GRID2: variants seen among roughly 807,000 people sequenced by gnomAD.
GRID2 encodes the protein glutamate ionotropic receptor delta type subunit 2, also known as glutamate receptor ionotropic, delta-2.
Under a neutral mutation model 114.8 loss-of-function variants are expected in GRID2, and 33 were observed. The ratio of observed to expected loss-of-function variants is 0.29; its 90% CI spans 0.22 to 0.38. The LOEUF is 0.38. Ranked by LOEUF, GRID2 falls within the 10% of genes least tolerant of loss-of-function variation. GRID2 has a pLI of 1.00. For synonymous variants in GRID2, 505 were observed against 449.9 expected (o/e 1.12, Z -1.55); for missense variants, 1,184 against 1,257.7 (o/e 0.94, Z 0.89).
At chr4:93,176,761 G>T (rs895399155) in intron 4 of GRID2, among the ~76,000 whole-genome samples, 1 of 152,082 alleles carries the variant, frequency 6.6e-6, no homozygotes, top group Non-Finnish European at 1.5e-5. Flanking sequence ...CTTGACAGAA[G>T]TCCAGTTTAA....
Position 93,455,676 on chromosome 4 carries a change from G to T in GRID2, c.1560G>T (p.Gly520=), listed in dbSNP as rs1043445307. 1.9e-6 allele frequency: 3 copies of T among 1,609,802 alleles called. No homozygotes were observed. In the East Asian group the frequency reaches 6.7e-5, roughly 36 times the overall value. ...GELVFKRADI[G]ISALTITPDR... ...CAATTTCTCAGAGAGCCGACATAGG[G>T]ATTTCTGCTTTAACCATCACTCCAG... is the stretch of plus-strand genomic sequence containing the variant. The change falls in exon 11 of 16, where the codon GGG becomes GGT. Residue 520 remains glycine, a synonymous_variant. Coordinates refer to ENST00000282020, the MANE Select transcript of GRID2 (RefSeq NM_001510.4).
intron 5 of GRID2, among the ~76,000 whole-genome samples, chr4:93,213,889 A>G (rs1743870681): frequency 1.3e-5 from 2 of 152,138 alleles, no homozygotes; most frequent in African/African-American, 2.4e-5. Context: ...TTTGTCGGAC[A>G]TATTGACTTT....
chr4:93,181,486 G>A (rs1013929638), intron 4 of GRID2, among the ~76,000 whole-genome samples: 10 of 152,246 alleles, frequency 6.6e-5, no homozygotes, highest in African/African-American at 1.7e-4. Context: ...ATGGTCAGCC[G>A]TCCTTCGAAA....
intron 1 of GRID2, among the ~76,000 whole-genome samples, chr4:92,426,612 G>C (rs775307121): frequency 4.3e-4 from 66 of 152,108 alleles, no homozygotes; most frequent in South Asian, 2.1e-4. Flanking sequence ...TATATGAAGA[G>C]CAACAGTATG....
At chr4:92,581,303 T>G (rs1728175204) in intron 1 of GRID2, among the ~76,000 whole-genome samples, 1 of 151,720 alleles carries the variant, frequency 6.6e-6, no homozygotes, top group Non-Finnish European at 1.5e-5. Flanking sequence ...TAAACTAGTA[T>G]AAAATGCATA....
intron 2 of GRID2, among the ~76,000 whole-genome samples, chr4:92,634,309 G>A (rs1014428413): frequency 6.6e-5 from 10 of 152,134 alleles, no homozygotes; most frequent in Non-Finnish European, 1.0e-4. Flanking sequence ...TTTCCAAGGT[G>A]ATGTACAACA....
intron 2 of GRID2, among the ~76,000 whole-genome samples, chr4:92,994,281 T>G (rs2149207869): frequency 6.6e-6 from 1 of 152,328 alleles, no homozygotes; most frequent in African/African-American, 2.4e-5. Flanking sequence ...CTCAGTGATC[T>G]TAATATTAGA....
intron 8 of GRID2, among the ~76,000 whole-genome samples, chr4:93,327,372 G>A (rs905727613): frequency 6.6e-6 from 1 of 152,136 alleles, no homozygotes; most frequent in Non-Finnish European, 1.5e-5. Context: ...CAACAATACA[G>A]TAATGTGTTC....
intron 1 of GRID2, among the ~76,000 whole-genome samples, chr4:92,395,755 C>T (rs78195778): frequency 0.03 from 4,590 of 151,758 alleles, 100 homozygotes; most frequent in Middle Eastern, 0.075. Context: ...TATATTCTTT[C>T]CATTCCTTGC....
intron 2 of GRID2, among the ~76,000 whole-genome samples, chr4:92,630,786 G>A (rs1730767550): frequency 1.3e-5 from 2 of 151,944 alleles, no homozygotes; most frequent in African/African-American, 2.4e-5. Flanking sequence ...AATACATTAC[G>A]GAGGCTGGAA....
At chr4:92,858,800 G>A (rs1016226453) in intron 2 of GRID2, among the ~76,000 whole-genome samples, 4 of 152,058 alleles carry the variant, frequency 2.6e-5, no homozygotes, top group Non-Finnish European at 5.9e-5. Context: ...CTTGTAATCC[G>A]CCTGCCTCAG....
At chr4:93,371,865 A>G (rs1762957928) in intron 8 of GRID2, among the ~76,000 whole-genome samples, 1 of 146,184 alleles carries the variant, frequency 6.8e-6, no homozygotes, top group Non-Finnish European at 1.5e-5. Context: ...CTTCTGCCTC[A>G]GCCTCCTGAG....
intron 2 of GRID2, among the ~76,000 whole-genome samples, chr4:92,762,160 C>T (rs549178268): frequency 6.6e-6 from 1 of 152,112 alleles, no homozygotes; most frequent in South Asian, 2.1e-4. Flanking sequence ...TGATCCACCC[C>T]CCTCAGCCTC....
At chr4:92,556,277 A>C (rs1726845527) in intron 1 of GRID2, among the ~76,000 whole-genome samples, 1 of 152,154 alleles carries the variant, frequency 6.6e-6, no homozygotes, top group African/African-American at 2.4e-5. Context: ...GTATGGTCAA[A>C]GGTTGATTCT....
intron 13 of GRID2, among the ~76,000 whole-genome samples, chr4:93,608,566 G>T (rs1348792294): frequency 2.1e-5 from 3 of 143,548 alleles, no homozygotes; most frequent in African/African-American, 5.2e-5. Flanking sequence ...GCAGTGTTTG[G>T]TTTTTTGTTC....
At chr4:92,790,102 A>G (rs957516500) in intron 2 of GRID2, among the ~76,000 whole-genome samples, 3 of 151,854 alleles carry the variant, frequency 2.0e-5, no homozygotes, top group Non-Finnish European at 4.4e-5. Context: ...ATGTATGTAT[A>G]TATGTATGTG....
intron 2 of GRID2, among the ~76,000 whole-genome samples, chr4:92,933,028 T>A (rs1297209689): frequency 6.6e-6 from 1 of 150,970 alleles, no homozygotes; most frequent in Non-Finnish European, 1.5e-5. Flanking sequence ...TATAATACAA[T>A]TAGCAAAACC....
At chr4:92,945,560 T>C (rs1399640054) in intron 2 of GRID2, among the ~76,000 whole-genome samples, 2 of 152,180 alleles carry the variant, frequency 1.3e-5, no homozygotes, top group African/African-American at 2.4e-5. Flanking sequence ...ATTGTGATAA[T>C]TGTTATCCTT....
rs375378497 is a variant in GRID2 at position 93,391,636 on chromosome 4, C to G, written c.1246-3971C>G. Among the ~76,000 whole-genome samples the G allele has an allele frequency of 3.9e-5, 6 of 152,192 alleles. No homozygotes were observed. The East Asian group carries it at 1.2e-3, about 29-fold the overall frequency. ...AAACTATTGAGCATAAAATTAAAAT[C>G]GAGCAGTTCAGCTCTTTTTGACATT... On this transcript the variant is annotated intron_variant, in intron 8 of 15. Coordinates refer to ENST00000282020, the MANE Select transcript of GRID2 (RefSeq NM_001510.4).
Sources: allele counts gnomAD v4.1 joint callset (sites outside exome capture counted in the v4.1 genomes callset), GRCh38; gene constraint gnomAD v4.1.1; transcripts MANE v1.5; gene names NCBI Gene and HGNC (gene_info 2026-07-23, HGNC 2026-07-21).